DAB1: variants seen among roughly 807,000 people sequenced by gnomAD.
The protein encoded by DAB1 is DAB adaptor protein 1, also known as disabled homolog 1.
Under a neutral mutation model 64.6 loss-of-function variants are expected in DAB1, and 15 were observed. That is an observed-to-expected ratio of 0.23 (90% CI 0.16 to 0.36). The LOEUF (loss-of-function observed/expected upper bound fraction) is 0.36, where lower values mean the gene tolerates loss of function less well. Ranked by LOEUF, DAB1 falls within the 10% of genes least tolerant of loss-of-function variation. The pLI, the probability that DAB1 is intolerant of heterozygous loss-of-function variation, is 1.00. For missense variants in DAB1, 596 were observed against 706.7 expected, an observed-to-expected ratio of 0.84 and a Z score of 1.78; for synonymous variants, 235 against 251.9, an observed-to-expected ratio of 0.93 and a Z score of 0.64.
Position 57,030,174 on chromosome 1 carries a change from G to A in DAB1, c.724-4131C>T, listed in dbSNP as rs577776689. Among the ~76,000 whole-genome samples the A allele has an allele frequency of 2.0e-5, 3 of 152,274 alleles. No individual in the cohort carries two copies. In the East Asian group the frequency reaches 5.8e-4, roughly 29 times the overall value. On this transcript the variant is annotated intron_variant, in intron 9 of 14. Coordinates refer to ENST00000371236, the MANE Select transcript of DAB1 (RefSeq NM_001365792.1). ...GAATAAGTCTTATGAGATCTGATGG[G>A]TTTATCAGTGGTTTCTGCTTTTGCA...
In DAB1 at chr1:58,211,586, G is replaced by A. The variant is rs143750765; in HGVS notation, n.310-60998C>T. Among the ~76,000 whole-genome samples the A allele has an allele frequency of 3.0e-3, 456 of 152,234 alleles. 2 individuals carry two copies. The highest frequency in any genetic ancestry group is 9.6e-3 in the African/African-American group (399 of 41,546). On this transcript the variant is annotated intron_variant and non_coding_transcript_variant, in intron 4 of 20. Transcript: ENST00000485760. ...AGGTTAATACAAAGAAGTGAGAAAA[G>A]ACACAACTTTCAATTGCTACAATCA...
intron 4 of DAB1, among the ~76,000 whole-genome samples, chr1:57,117,156 T>G (rs1396627304): frequency 6.6e-6 from 1 of 152,212 alleles, no homozygotes; most frequent in Non-Finnish European, 1.5e-5. Flanking sequence ...CTGAAAAAGC[T>G]GGAACTCTTG....
intron 3 of DAB1, among the ~76,000 whole-genome samples, chr1:58,417,706 G>C (rs748288719): frequency 1.0e-3 from 152 of 152,178 alleles, no homozygotes; most frequent in Non-Finnish European, 1.6e-3. Context: ...GGAAAAAATA[G>C]GTCCTGGGAA....
intron 6 of DAB1, among the ~76,000 whole-genome samples, chr1:57,717,571 T>C (rs1204380360): frequency 3.9e-5 from 6 of 152,196 alleles, no homozygotes; most frequent in Admixed American, 3.9e-4. Flanking sequence ...CTAGTAGGCA[T>C]ATATCCAAAG....
chr1:57,686,240 C>T (rs752388978), intron 6 of DAB1, among the ~76,000 whole-genome samples: 13 of 152,092 alleles, frequency 8.5e-5, no homozygotes, highest in Admixed American at 3.3e-4. Flanking sequence ...CACAGATATA[C>T]AAAATACGCT....
rs144730224 is a variant in DAB1, at chr1:57,438,133, G to A, written n.626-146967C>T. 1.2e-3 allele frequency among the ~76,000 whole-genome samples: 185 copies of A among 152,110 alleles called. 2 individuals carry two copies. In the East Asian group the frequency reaches 0.018, roughly 15 times the overall value. ...AATTTCTTATTTAGAATTAATGACC[G>A]TCTGAATGAGGCACAAGCCCTTTAG... On this transcript the variant is annotated intron_variant and non_coding_transcript_variant, in intron 7 of 20. Transcript: ENST00000485760.
At chr1:57,313,197 G>T (rs902220326) in intron 1 of DAB1, among the ~76,000 whole-genome samples, 11 of 152,082 alleles carry the variant, frequency 7.2e-5, no homozygotes, top group African/African-American at 2.7e-4. Flanking sequence ...AGGCCTCAAG[G>T]TATGGCAGGA....
upstream of DAB1, among the ~76,000 whole-genome samples, chr1:57,426,556 C>A (rs1445743263): frequency 6.6e-6 from 1 of 151,862 alleles, no homozygotes; most frequent in South Asian, 2.1e-4. Context: ...AGAAAAAAAT[C>A]TCAGTGAACG....
At chr1:58,504,712 C>T (rs1645959573) in intron 3 of DAB1, among the ~76,000 whole-genome samples, 1 of 152,168 alleles carries the variant, frequency 6.6e-6, no homozygotes. Context: ...ATAAATCTTG[C>T]ACTAGAGTTT....
intron 1 of DAB1, among the ~76,000 whole-genome samples, chr1:57,849,228 C>T (rs1288503132): frequency 2.0e-5 from 3 of 152,186 alleles, no homozygotes; most frequent in Non-Finnish European, 4.4e-5. Flanking sequence ...GCCAGAGTAG[C>T]ACTGAGTCAG....
At chr1:57,616,118 C>T (rs1478022080) in intron 7 of DAB1, among the ~76,000 whole-genome samples, 2 of 152,156 alleles carry the variant, frequency 1.3e-5, no homozygotes, top group Admixed American at 6.5e-5. Flanking sequence ...CCCTCATTTG[C>T]TCACTCACCA....
At chr1:58,212,471 T>A (rs1658608452) in intron 4 of DAB1, among the ~76,000 whole-genome samples, 1 of 152,168 alleles carries the variant, frequency 6.6e-6, no homozygotes, top group African/African-American at 2.4e-5. Context: ...AGCATTCACA[T>A]CCTCAGGTAA....
intron 7 of DAB1, among the ~76,000 whole-genome samples, chr1:57,474,699 TAAA>T (rs1643913435): frequency 6.6e-6 from 1 of 152,172 alleles, no homozygotes; most frequent in African/African-American, 2.4e-5. Flanking sequence ...GCACTCCTCA[TAAA>T]AAGAAGGGCT....
intron 6 of DAB1, among the ~76,000 whole-genome samples, chr1:57,684,210 T>C (rs980554006): frequency 2.0e-5 from 3 of 152,160 alleles, no homozygotes; most frequent in Admixed American, 2.0e-4. Context: ...GAGGATATAG[T>C]CTATGAAAAT....
At chr1:58,525,294 A>T (rs908545276) in intron 2 of DAB1, among the ~76,000 whole-genome samples, 3 of 152,130 alleles carry the variant, frequency 2.0e-5, no homozygotes, top group African/African-American at 7.2e-5. Flanking sequence ...AAAACCTTCC[A>T]ATATATTTAT....
intron 6 of DAB1, among the ~76,000 whole-genome samples, chr1:57,754,584 G>T (rs1204821829): frequency 6.6e-6 from 1 of 151,924 alleles, no homozygotes; most frequent in Non-Finnish European, 1.5e-5. Context: ...TACTCGGAAG[G>T]CTGAGGCAGG....
intron 5 of DAB1, among the ~76,000 whole-genome samples, chr1:57,967,887 C>T (rs949667468): frequency 6.6e-6 from 1 of 152,144 alleles, no homozygotes; most frequent in African/African-American, 2.4e-5. Flanking sequence ...AGCTCTGACA[C>T]TTAGCTGTGG....
chr1:58,435,500 T>A (rs908966010), intron 3 of DAB1, among the ~76,000 whole-genome samples: 1 of 152,154 alleles, frequency 6.6e-6, no homozygotes, highest in African/African-American at 2.4e-5. Flanking sequence ...ACACCTCCAC[T>A]GGACGTCCCA....
intron 7 of DAB1, among the ~76,000 whole-genome samples, chr1:57,476,060 G>A (rs543171554): frequency 2.0e-5 from 3 of 151,480 alleles, no homozygotes; most frequent in Non-Finnish European, 2.9e-5. Context: ...CTCTGTCTCC[G>A]CTAAAAATAC....
Sources: gnomAD v4.1 joint callset for allele counts (sites outside exome capture counted in the v4.1 genomes callset) on GRCh38, gnomAD v4.1.1 for gene constraint, MANE v1.5 for transcripts, NCBI Gene and HGNC (gene_info 2026-07-23, HGNC 2026-07-21) for gene names.